The following ANKRD55 variants were observed in gnomAD, a reference collection of about 807,000 sequenced individuals.
ANKRD55 encodes ankyrin repeat domain 55, also known as ankyrin repeat domain-containing protein 55.
ANKRD55 carries 41 observed loss-of-function variants against 60.6 expected under a neutral mutation model. The ratio of observed to expected loss-of-function variants is 0.68; its 90% CI spans 0.53 to 0.88. The LOEUF (loss-of-function observed/expected upper bound fraction) is 0.88, where lower values mean the gene tolerates loss of function less well. ANKRD55 is among the 40% of genes least tolerant of loss of function. The pLI is 0.00. For synonymous variants in ANKRD55, 264 were observed against 290.3 expected (o/e 0.91, Z 0.92); for missense variants, 732 against 767.6 (o/e 0.95, Z 0.55).
At chr5:56,137,088 G>T in intron 7 of ANKRD55, 1 of 912,066 alleles carries the variant, frequency 1.1e-6, no homozygotes, top group African/African-American at 1.6e-5. Flanking sequence ...AGGCCATCAG[G>T]GTAGGCATAT....
intron 6 of ANKRD55, among the ~76,000 whole-genome samples, chr5:56,156,443 C>T (rs186971259): frequency 2.0e-4 from 31 of 152,282 alleles, no homozygotes; most frequent in Middle Eastern, 3.4e-3. Flanking sequence ...TTGTCTGCAC[C>T]GCCAGGTGCC....
intron 6 of ANKRD55, among the ~76,000 whole-genome samples, chr5:56,157,682 T>C (rs1383281544): frequency 2.0e-5 from 3 of 152,214 alleles, no homozygotes; most frequent in African/African-American, 4.8e-5. Context: ...ACCTTGTTTA[T>C]GATACAGAGA....
intron 2 of ANKRD55, among the ~76,000 whole-genome samples, chr5:56,212,635 C>T (rs144777512): frequency 2.5e-4 from 38 of 152,248 alleles, no homozygotes; most frequent in African/African-American, 5.8e-4. Flanking sequence ...TTAACCCCTC[C>T]GCTCCATTTA....
intron 2 of ANKRD55, among the ~76,000 whole-genome samples, chr5:56,218,469 G>A (rs1434923387): frequency 6.6e-6 from 1 of 152,138 alleles, no homozygotes; most frequent in African/African-American, 2.4e-5. Flanking sequence ...ATCGAGGCAA[G>A]ACCCTCTACC....
intron 8 of ANKRD55, among the ~76,000 whole-genome samples, chr5:56,125,299 CA>C (rs1561258785): frequency 6.7e-6 from 1 of 150,076 alleles, no homozygotes; most frequent in African/African-American, 2.5e-5. Context: ...TTTTTTCAGA[CA>C]GAGTCTTGCT....
At chr5:56,121,644 T>G (rs551632178) in intron 8 of ANKRD55, among the ~76,000 whole-genome samples, 2 of 152,078 alleles carry the variant, frequency 1.3e-5, no homozygotes, top group African/African-American at 4.8e-5. Flanking sequence ...GTGCTGGGAT[T>G]ACAGGAGTGA....
chr5:56,150,029 A>G (rs1355371150), intron 6 of ANKRD55, among the ~76,000 whole-genome samples: 2 of 151,976 alleles, frequency 1.3e-5, no homozygotes. Flanking sequence ...TTTAGTAGAG[A>G]TGGGCGTCAC....
At chr5:56,138,958 T>C (rs549022652) in intron 7 of ANKRD55, among the ~76,000 whole-genome samples, 28 of 151,458 alleles carry the variant, frequency 1.8e-4, no homozygotes, top group Admixed American at 4.0e-4. Context: ...ATATCAAGAG[T>C]GAAGCTTATG....
chr5:56,099,807 C>A lies in ANKRD55; in HGVS notation c.*376G>T, dbSNP rs1756214291. On this transcript the variant is annotated 3_prime_UTR_variant, in exon 12 of 12. Coordinates refer to ENST00000341048, the MANE Select transcript of ANKRD55 (RefSeq NM_024669.3). ...TGTTTTGTTTTTTGCTTTTATTCAG[C>A]AAAGCGTACTTTTTTTCCCAAAACA... 1 of 157,962 alleles carries A rather than the reference C, an allele frequency of 6.3e-6. No individual in the cohort carries two copies. The highest frequency in any genetic ancestry group is 1.4e-5 in the Non-Finnish European group (1 of 72,678). The allele number at this position is 157,962 out of a possible 1,614,324, so 9.8% of individuals were successfully genotyped here.
intron 2 of ANKRD55, among the ~76,000 whole-genome samples, chr5:56,215,917 A>G (rs1164598571): frequency 6.6e-6 from 1 of 151,816 alleles, no homozygotes; most frequent in Non-Finnish European, 1.5e-5. Context: ...TTTGGAGGTG[A>G]TTCCCCAACC....
At chr5:56,222,164 A>C (rs1387779355) in intron 2 of ANKRD55, among the ~76,000 whole-genome samples, 1 of 152,202 alleles carries the variant, frequency 6.6e-6, no homozygotes, top group African/African-American at 2.4e-5. Context: ...AGGAAGGATC[A>C]GGAAGCAACA....
At chr5:56,200,917 G>C (rs886979482) in intron 2 of ANKRD55, among the ~76,000 whole-genome samples, 1 of 152,128 alleles carries the variant, frequency 6.6e-6, no homozygotes, top group Admixed American at 6.6e-5. Context: ...CTCTTTCTTA[G>C]ATTGTTCCTT....
At position 56,144,942 on chromosome 5, in the gene ANKRD55, G is replaced by C. The variant is rs191496946; in HGVS notation, c.484-1013C>G. Among the ~76,000 whole-genome samples, 13 of 152,244 alleles carry C rather than the reference G, an allele frequency of 8.5e-5. No homozygotes were observed. The East Asian group carries it at 2.1e-3, about 25-fold the overall frequency. On this transcript the variant is annotated intron_variant, in intron 6 of 11. Coordinates refer to ENST00000341048, the MANE Select transcript of ANKRD55 (RefSeq NM_024669.3). ...TTGAAATGAAGATGCCTGATAAAGG[G>C]GGCAAAGGGCATGGGCAGCTTTGAA...
At chr5:56,151,756 T>C (rs1427502136) in intron 6 of ANKRD55, among the ~76,000 whole-genome samples, 1 of 150,928 alleles carries the variant, frequency 6.6e-6, no homozygotes, top group Admixed American at 6.6e-5. Context: ...GAGGTTGCAG[T>C]GAGCCAAAAT....
intron 5 of ANKRD55, among the ~76,000 whole-genome samples, chr5:56,163,333 G>T (rs75347185): frequency 0.022 from 3,411 of 152,222 alleles, 59 homozygotes; most frequent in Non-Finnish European, 0.033. Flanking sequence ...TCTGTGGTAT[G>T]GAGGTGACCT....
chr5:56,118,572 C>T (rs1008738541), intron 8 of ANKRD55, among the ~76,000 whole-genome samples: 7 of 151,706 alleles, frequency 4.6e-5, no homozygotes, highest in East Asian at 1.9e-4. Context: ...TGCAGTGAGC[C>T]GAGATCATGC....
intron 6 of ANKRD55, among the ~76,000 whole-genome samples, chr5:56,157,551 TA>T (rs1309512398): frequency 6.6e-6 from 1 of 152,240 alleles, no homozygotes; most frequent in Admixed American, 6.5e-5. Context: ...ATATTCCATC[TA>T]CTGAGATAGG....
intron 8 of ANKRD55, among the ~76,000 whole-genome samples, chr5:56,117,977 C>A (rs1205531652): frequency 1.3e-5 from 2 of 151,858 alleles, no homozygotes; most frequent in African/African-American, 4.8e-5. Flanking sequence ...ACACTGTCTC[C>A]ATTAAAAATA....
intron 4 of ANKRD55, among the ~76,000 whole-genome samples, chr5:56,171,653 T>C (rs1369295021): frequency 6.6e-6 from 1 of 152,214 alleles, no homozygotes; most frequent in Non-Finnish European, 1.5e-5. Flanking sequence ...ATTATAAGTA[T>C]ACTTAAAAAT....
Sources: gnomAD v4.1 joint callset for allele counts (sites outside exome capture counted in the v4.1 genomes callset) on GRCh38, gnomAD v4.1.1 for gene constraint, MANE v1.5 for transcripts, NCBI Gene and HGNC (gene_info 2026-07-23, HGNC 2026-07-21) for gene names.